Variants in SGMS1 observed in about 807,000 individuals in gnomAD.
SGMS1 encodes sphingomyelin synthase 1.
In SGMS1, 13 loss-of-function variants were observed where a neutral mutation model predicts 46.2. The ratio of observed to expected loss-of-function variants is 0.28; its 90% confidence interval spans 0.18 to 0.45. SGMS1 has a LOEUF of 0.45. SGMS1 is among the 20% of genes least tolerant of loss of function. The pLI, the probability that SGMS1 is intolerant of heterozygous loss-of-function variation, is 1.00. For synonymous variants in SGMS1, 203 were observed against 187.8 expected (o/e 1.08, Z -0.66); for missense variants, 324 against 519.9 (o/e 0.62, Z 3.66).
At chr10:50,505,567 C>A (rs750194148) in intron 3 of SGMS1, among the ~76,000 whole-genome samples, 7 of 152,178 alleles carry the variant, frequency 4.6e-5, no homozygotes, top group Non-Finnish European at 8.8e-5. Context: ...GACACAAAAA[C>A]TATAACCAAA....
chr10:50,453,844 A>AGGGAGGGAGGGGAG (rs1564918342), intron 5 of SGMS1, among the ~76,000 whole-genome samples: 1 of 7,244 alleles, frequency 1.4e-4, no homozygotes, highest in Non-Finnish European at 2.5e-4. Context: ...GAGAGGAGGG[A>AGGGAGGGAGGGGAG]GGGAGGGAGG....
chr10:50,540,303 T>G (rs528537864), intron 2 of SGMS1, among the ~76,000 whole-genome samples: 7 of 152,196 alleles, frequency 4.6e-5, no homozygotes, highest in Admixed American at 3.9e-4. Context: ...GGTGATAAAT[T>G]AGTAATAAAT....
chr10:50,572,780 T>A (rs1175919486), intron 2 of SGMS1, among the ~76,000 whole-genome samples: 1 of 152,216 alleles, frequency 6.6e-6, no homozygotes, highest in African/African-American at 2.4e-5. Context: ...CCTTTTTGTA[T>A]TTATATAGTA....
intron 3 of SGMS1, among the ~76,000 whole-genome samples, chr10:50,493,398 C>G (rs940343861): frequency 2.2e-4 from 33 of 152,142 alleles, no homozygotes; most frequent in Non-Finnish European, 4.6e-4. Flanking sequence ...ATTCAGGACA[C>G]AGGCACAGGC....
intron 2 of SGMS1, among the ~76,000 whole-genome samples, chr10:50,536,060 C>G (rs1270718024): frequency 6.6e-6 from 1 of 152,112 alleles, no homozygotes; most frequent in East Asian, 1.9e-4. Context: ...TCCAGCTGGG[C>G]ACAGTGCTCA....
chr10:50,372,224 G>T (rs1432557807), intron 6 of SGMS1, among the ~76,000 whole-genome samples: 1 of 152,126 alleles, frequency 6.6e-6, no homozygotes, highest in East Asian at 1.9e-4. Flanking sequence ...AAAGAAGGTG[G>T]CCAACTACGT....
At chr10:50,313,152 G>A (rs2574980) in intron 8 of SGMS1, among the ~76,000 whole-genome samples, 8,329 of 152,254 alleles carry the variant, frequency 0.055, 640 homozygotes, top group East Asian at 0.33. Flanking sequence ...TGCATATTGA[G>A]CTAAACGAAG....
At chr10:50,533,325 G>C (rs925525039) in intron 2 of SGMS1, among the ~76,000 whole-genome samples, 2 of 151,888 alleles carry the variant, frequency 1.3e-5, no homozygotes, top group Non-Finnish European at 2.9e-5. Flanking sequence ...AGGATTAAAG[G>C]GTTTTTTTCC....
At chr10:50,589,211 A>G (rs1368867006) in intron 2 of SGMS1, among the ~76,000 whole-genome samples, 2 of 152,228 alleles carry the variant, frequency 1.3e-5, no homozygotes, top group Middle Eastern at 3.4e-3. Flanking sequence ...GATTTTTCTC[A>G]TATCAAATTC....
chr10:50,563,419 C>G (rs1263403294), intron 2 of SGMS1, among the ~76,000 whole-genome samples: 1 of 152,160 alleles, frequency 6.6e-6, no homozygotes, highest in Non-Finnish European at 1.5e-5. Context: ...CACAATGATA[C>G]TAAAAACCAC....
chr10:50,347,954 G>A (rs960555229), intron 6 of SGMS1, among the ~76,000 whole-genome samples: 1 of 152,164 alleles, frequency 6.6e-6, no homozygotes, highest in African/African-American at 2.4e-5. Flanking sequence ...GTGGTTTGCT[G>A]CACCTATCAA....
chr10:50,316,947 A>C (rs1461994124), intron 8 of SGMS1, among the ~76,000 whole-genome samples: 6 of 152,190 alleles, frequency 3.9e-5, no homozygotes, highest in African/African-American at 1.4e-4. Flanking sequence ...CCTAACCGTG[A>C]CACTTAGAAC....
chr10:50,458,995 A>G (rs928673461), intron 5 of SGMS1, among the ~76,000 whole-genome samples: 1 of 152,214 alleles, frequency 6.6e-6, no homozygotes, highest in African/African-American at 2.4e-5. Flanking sequence ...ACTTGAATAG[A>G]TGTTCTATAT....
intron 2 of SGMS1, among the ~76,000 whole-genome samples, chr10:50,549,084 A>G (rs1292066838): frequency 6.6e-6 from 1 of 152,062 alleles, no homozygotes; most frequent in East Asian, 1.9e-4. Flanking sequence ...GAACGCTTAT[A>G]TACTGTTGGT....
chr10:50,445,187 T>A (rs1836995346), intron 5 of SGMS1, among the ~76,000 whole-genome samples: 1 of 152,214 alleles, frequency 6.6e-6, no homozygotes, highest in Non-Finnish European at 1.5e-5. Flanking sequence ...ATGCTAATTT[T>A]AAAAATACTG....
intron 7 of SGMS1, 82 bp downstream of exon 7, chr10:50,343,409 TA>T: frequency 7.1e-7 from 1 of 1,409,948 alleles, no homozygotes; most frequent in Non-Finnish European, 9.4e-7. Context: ...AACAAGTTGA[TA>T]AATTTCATTT....
chr10:50,562,942 C>T (rs944969204), intron 2 of SGMS1, among the ~76,000 whole-genome samples: 2 of 152,176 alleles, frequency 1.3e-5, no homozygotes, highest in Non-Finnish European at 2.9e-5. Context: ...AACAGACTTC[C>T]CTGCTCGATC....
intron 8 of SGMS1, among the ~76,000 whole-genome samples, chr10:50,316,145 G>A (rs1362033313): frequency 6.6e-6 from 1 of 152,192 alleles, no homozygotes; most frequent in Non-Finnish European, 1.5e-5. Flanking sequence ...CAGAGCAGGG[G>A]CACTGACTGT....
intron 6 of SGMS1, among the ~76,000 whole-genome samples, chr10:50,430,773 G>C (rs1020412518): frequency 5.9e-5 from 9 of 151,968 alleles, no homozygotes; most frequent in African/African-American, 1.9e-4. Flanking sequence ...CATTCAGTTT[G>C]AAATTATAGT....
Sources: allele counts gnomAD v4.1 joint callset (sites outside exome capture counted in the v4.1 genomes callset), GRCh38; gene constraint gnomAD v4.1.1; transcripts MANE v1.5; gene names NCBI Gene and HGNC (gene_info 2026-07-23, HGNC 2026-07-21).